The following CDH1 variants were observed in gnomAD, a reference collection of about 807,000 sequenced individuals.
CDH1 encodes the protein cadherin 1.
A neutral mutation model predicts 84.5 loss-of-function variants in CDH1; 35 were observed. The ratio of observed to expected loss-of-function variants is 0.41; its 90% CI spans 0.32 to 0.55. The LOEUF (loss-of-function observed/expected upper bound fraction) is 0.55, where lower values mean the gene tolerates loss of function less well. Ranked by LOEUF, CDH1 falls within the 20% of genes least tolerant of loss-of-function variation. The pLI is 0.19. For synonymous variants in CDH1, 417 were observed against 439.0 expected (o/e 0.95, Z 0.63); for missense variants, 994 against 1,126.6 (o/e 0.88, Z 1.68).
rs562737095 is a variant in CDH1, at chr16:68,749,725, G to A, written c.163+11314G>A. Among the ~76,000 whole-genome samples, 3 of 152,336 alleles carry A rather than the reference G, an allele frequency of 2.0e-5. No homozygotes were observed. In the East Asian group the frequency reaches 5.8e-4, roughly 29 times the overall value. The stretch of plus-strand genomic sequence containing the variant: ...CCACCAAGTCACCCCGCCAGGTGAT[G>A]GCAGTGCTGGGGCTGCAGGCCAGGC... On this transcript the variant is annotated intron_variant, in intron 2 of 15. Coordinates refer to ENST00000261769, the MANE Select transcript of CDH1 (RefSeq NM_004360.5).
intron 1 of CDH1, 148 bp downstream of exon 1, chr16:68,737,611 C>A (rs1157791863): frequency 2.7e-6 from 2 of 752,060 alleles, no homozygotes; most frequent in Admixed American, 2.3e-5. Context: ...GGAAGCCTCG[C>A]GCGCTCCGGA....
chr16:68,767,189 G>A (rs941826877), intron 2 of CDH1, among the ~76,000 whole-genome samples: 2 of 150,782 alleles, frequency 1.3e-5, no homozygotes, highest in African/African-American at 4.9e-5. Flanking sequence ...AGACCATTAA[G>A]TTTCTTTTTT....
Position 68,833,494 on chromosome 16 carries a change from G to A in CDH1, c.2644G>A (p.Asp882Asn), listed in dbSNP as rs200104963. 3.0e-5 allele frequency: 49 copies of A among 1,613,028 alleles called. No individual in the cohort carries two copies. The highest frequency in any genetic ancestry group is 8.3e-5 in the Admixed American group (5 of 59,996). The change falls in exon 16 of 16, where the codon GAC becomes AAC. Residue 882 changes from aspartate (D) to asparagine (N), a missense_variant. Transcript: ENST00000261769. Reference protein sequence around the residue: ...LADMYGGGEDD With the variant: ...LADMYGGGEDN ...TGACATGTACGGAGGCGGCGAGGAC[G>A]ACTAGGGGACTCGAGAGAGGCGGGC...
At position 68,833,526 on chromosome 16, in the gene CDH1, C is replaced by G. The variant is rs375868825; in HGVS notation, c.*27C>G. The G allele has an allele frequency of 6.4e-7, 1 of 1,571,050 alleles. No individual in the cohort carries two copies. The highest frequency in any genetic ancestry group is 8.8e-7 in the Non-Finnish European group (1 of 1,142,280). On this transcript the variant is annotated 3_prime_UTR_variant, in exon 16 of 16. Coordinates refer to ENST00000261769, the MANE Select transcript of CDH1 (RefSeq NM_004360.5). ...GGACTCGAGAGAGGCGGGCCCCAGA[C>G]CCATGTGCTGGGAAATGCAGAAATC...
chr16:68,808,320 T>C, intron 3 of CDH1, 104 bp from the exon 4 acceptor site: 1 of 1,142,728 alleles, frequency 8.8e-7, no homozygotes, highest in Non-Finnish European at 1.3e-6. Context: ...AACTGTACAC[T>C]GCCCACAGAA....
At chr16:68,822,280 C>T in intron 12 of CDH1, 55 bp downstream of exon 12, 1 of 1,126,384 alleles carries the variant, frequency 8.9e-7, no homozygotes, top group South Asian at 1.2e-5. Flanking sequence ...TGCTTCCCTT[C>T]CCCCAGATCC....
chr16:68,808,864 A>G lies in CDH1; in HGVS notation c.687+16A>G, dbSNP rs912025920. On this transcript the variant is annotated intron_variant, in intron 5 of 15. Transcript: ENST00000261769. ...CACATACACTGTAAGTATCTCTTAG[A>G]AGCTTGTTGACACCGGGGTAACATC... 6.2e-7 allele frequency: 1 copy of G among 1,613,370 alleles called. No homozygotes were observed. Among genetic ancestry groups the G allele is most frequent in the Non-Finnish European group, 8.5e-7 (1 of 1,179,742 alleles).
In CDH1 at chr16:68,829,953, CTTTTTCTTTT is replaced by C. The variant is rs993310507; in HGVS notation, c.2439+162_2439+171del. Among the ~76,000 whole-genome samples, 33 of 102,252 alleles carry C rather than the reference CTTTTTCTTTT, an allele frequency of 3.2e-4. No individual in the cohort carries two copies. In the East Asian group the frequency reaches 7.2e-3, roughly 22 times the overall value. 67.1% of individuals were successfully genotyped at this position (102,252 alleles called of 152,430 possible). A position where few individuals can be genotyped will look rare whatever the true frequency, so the allele number is the denominator to read the frequency against. On this transcript the variant is annotated intron_variant, in intron 15 of 15. Coordinates refer to ENST00000261769, the MANE Select transcript of CDH1 (RefSeq NM_004360.5). ...CCTGTTTTCCTTTTTCTTTTTTTTT[CTTTTTCTTTT>C]TTTTTTTTTTTGAGACGAAGTTTCA...
intron 2 of CDH1, among the ~76,000 whole-genome samples, chr16:68,775,813 T>G (rs755775316): frequency 1.3e-5 from 2 of 152,170 alleles, no homozygotes; most frequent in Non-Finnish European, 2.9e-5. Context: ...GTCAAGAAAG[T>G]GTAAACTTAG....
intron 2 of CDH1, among the ~76,000 whole-genome samples, chr16:68,786,495 C>T (rs141334172): frequency 5.6e-4 from 82 of 147,506 alleles, no homozygotes; most frequent in African/African-American, 2.0e-3. Flanking sequence ...GAAGTGAGCC[C>T]CCCAGTCTGA....
At chr16:68,757,941 G>C (rs1440482435) in intron 2 of CDH1, among the ~76,000 whole-genome samples, 6 of 150,288 alleles carry the variant, frequency 4.0e-5, no homozygotes, top group Admixed American at 3.3e-4. Context: ...TGGGACTACA[G>C]GTGCATGCCA....
chr16:68,752,222 G>A (rs549832529), intron 2 of CDH1, among the ~76,000 whole-genome samples: 3 of 152,278 alleles, frequency 2.0e-5, no homozygotes, highest in East Asian at 3.9e-4. Context: ...AAAGTGCTGC[G>A]ATTACAGGCG....
In CDH1 at chr16:68,822,482, C is replaced by A. The variant is rs577962884; in HGVS notation, c.1936+257C>A. On this transcript the variant is annotated intron_variant, in intron 12 of 15. Transcript: ENST00000261769. The stretch of plus-strand genomic sequence containing the variant: ...TCTCCCAGCCTCTAGCCACCCTCCA[C>A]TCCCCTCTCCACTTGCAACCAGGAC... 35 of 573,518 alleles carry A rather than the reference C, an allele frequency of 6.1e-5. No homozygotes were observed. In the Admixed American group the frequency reaches 6.6e-4, roughly 11 times the overall value. The allele number at this position is 573,518 out of a possible 1,614,324, so 35.5% of individuals were successfully genotyped here. A position where few individuals can be genotyped will look rare whatever the true frequency, so the allele number is the denominator to read the frequency against.
rs1567510854 is a variant in CDH1 at position 68,819,422 on chromosome 16, A to C, written c.1708A>C (p.Asn570His). 6.2e-7 allele frequency: 1 copy of C among 1,613,302 alleles called. No individual in the cohort carries two copies. Among genetic ancestry groups the C allele is most frequent in the Non-Finnish European group, 8.5e-7 (1 of 1,179,984 alleles). ...TYTALIIATD[N>H]GSPVATGTGT... ...CACAGCCCTAATCATAGCTACAGAC[A>C]ATGGTAAGGGGGCCTCATCTGAGCC... The change falls in exon 11 of 16, where the codon AAT (asparagine) becomes CAT (histidine). Residue 570 changes from asparagine to histidine, a missense_variant. Asn to His is a moderately conservative substitution (Grantham distance 68, BLOSUM62 1). Transcript: ENST00000261769.
In CDH1 at chr16:68,801,659, C is replaced by T. The variant is rs767123345; in HGVS notation, c.164-11C>T. The T allele has an allele frequency of 6.2e-7, 1 of 1,605,478 alleles. No homozygotes were observed. The highest frequency in any genetic ancestry group is 8.5e-7 in the Non-Finnish European group (1 of 1,172,110). On this transcript the variant is annotated splice_polypyrimidine_tract_variant and intron_variant, in intron 2 of 15. Transcript: ENST00000261769. ...TCCAATTTCCTAATCTCTGTGATTT[C>T]TGCCCTGCAGTGAATTTTGAAGATT...
chr16:68,737,879 G>C (rs1335680281), intron 1 of CDH1, among the ~76,000 whole-genome samples: 3 of 152,206 alleles, frequency 2.0e-5, no homozygotes, highest in Non-Finnish European at 4.4e-5. Flanking sequence ...AAAGGCACCT[G>C]CCATGCCAAG....
chr16:68,743,584 T>C (rs1962643534), intron 2 of CDH1, among the ~76,000 whole-genome samples: 2 of 151,924 alleles, frequency 1.3e-5, no homozygotes, highest in South Asian at 4.2e-4. Flanking sequence ...AGGCTGGTCT[T>C]GAACTCCTGA....
At chr16:68,746,896 C>A (rs147137168) in intron 2 of CDH1, among the ~76,000 whole-genome samples, 1 of 152,106 alleles carries the variant, frequency 6.6e-6, no homozygotes, top group African/African-American at 2.4e-5. Flanking sequence ...TTGCAATGAG[C>A]GGAGATTGTG....
intron 11 of CDH1, among the ~76,000 whole-genome samples, chr16:68,819,872 T>C (rs539844353): frequency 5.9e-5 from 9 of 152,330 alleles, no homozygotes; most frequent in African/African-American, 2.2e-4. Context: ...AAGATTTCTC[T>C]TTTATTCTTA....
Sources: gnomAD v4.1 joint callset for allele counts (sites outside exome capture counted in the v4.1 genomes callset) on GRCh38, gnomAD v4.1.1 for gene constraint, MANE v1.5 for transcripts, NCBI Gene and HGNC (gene_info 2026-07-23, HGNC 2026-07-21) for gene names.